Variants in OPCML observed in about 807,000 individuals in gnomAD.
OPCML encodes the protein opioid binding protein/cell adhesion molecule like.
Under a neutral mutation model 37.8 loss-of-function variants are expected in OPCML, and 13 were observed. The ratio of observed to expected loss-of-function variants is 0.34; its 90% CI spans 0.22 to 0.55. OPCML has a LOEUF of 0.55. Ranked by LOEUF, OPCML falls within the 20% of genes least tolerant of loss-of-function variation. OPCML has a pLI of 0.91. For missense variants in OPCML, 341 were observed against 435.6 expected (o/e 0.78, Z 1.93); for synonymous variants, 176 against 168.8 (o/e 1.04, Z -0.33).
At chr11:132,687,472 T>G (rs1943217183) in intron 2 of OPCML, among the ~76,000 whole-genome samples, 3 of 136,484 alleles carry the variant, frequency 2.2e-5, no homozygotes, top group African/African-American at 8.6e-5. Context: ...GATTTGCAAT[T>G]TAAGATCCTT....
intron 1 of OPCML, among the ~76,000 whole-genome samples, chr11:133,388,872 G>A (rs937781311): frequency 1.3e-5 from 2 of 152,218 alleles, no homozygotes; most frequent in Non-Finnish European, 2.9e-5. Flanking sequence ...TCTTGAAGAT[G>A]TGTGCAAGCC....
intron 2 of OPCML, among the ~76,000 whole-genome samples, chr11:132,830,026 C>T (rs189014777): frequency 5.3e-5 from 8 of 152,190 alleles, no homozygotes; most frequent in Admixed American, 3.3e-4. Flanking sequence ...ACAATGAATC[C>T]GGACTTGTCA....
intron 1 of OPCML, among the ~76,000 whole-genome samples, chr11:132,951,323 G>A (rs568924830): frequency 2.0e-5 from 3 of 152,298 alleles, no homozygotes; most frequent in East Asian, 1.9e-4. Context: ...GGGTGCCAGC[G>A]TGAACATGCT....
At chr11:133,283,877 A>C (rs973700981) in intron 1 of OPCML, among the ~76,000 whole-genome samples, 1 of 152,070 alleles carries the variant, frequency 6.6e-6, no homozygotes, top group African/African-American at 2.4e-5. Context: ...AAGAACACCC[A>C]CCAGTTTCCA....
intron 1 of OPCML, among the ~76,000 whole-genome samples, chr11:133,268,262 G>A (rs963796858): frequency 1.3e-5 from 2 of 152,154 alleles, no homozygotes; most frequent in African/African-American, 4.8e-5. Flanking sequence ...TAAAACATGT[G>A]TCATCTCATG....
At chr11:133,352,574 G>A (rs1944166717) in intron 1 of OPCML, among the ~76,000 whole-genome samples, 1 of 152,160 alleles carries the variant, frequency 6.6e-6, no homozygotes, top group Non-Finnish European at 1.5e-5. Flanking sequence ...GAATCAGTAA[G>A]GATGTAAATA....
rs1274557162 is a variant in OPCML, at chr11:133,026,514, TTTCTCTTG to T, written c.62-83512_62-83505del. 4.1e-6 allele frequency: 4 copies of T among 985,340 alleles called. No individual in the cohort carries two copies. The East Asian group carries it at 3.4e-4, about 84-fold the overall frequency. 61.0% of individuals were successfully genotyped at this position (985,340 alleles called of 1,614,324 possible). ...TAGGTTTTGTCCTGCTGGCAGCCTT[TTTCTCTTG>T]TTTTCCCATCTAGAAATCTCTCCTT... On this transcript the variant is annotated intron_variant, in intron 1 of 7. Transcript: ENST00000524381.
rs79141514 is a variant in OPCML, at chr11:133,337,048, C to T, written c.61+195216G>A. On this transcript the variant is annotated intron_variant, in intron 1 of 7. Transcript: ENST00000524381. The stretch of plus-strand genomic sequence containing the variant: ...GAATGGCCTCACACAGGCACAGCAT[C>T]TTATCTTAGAGGCAAAAGAGAAGCG... Among the ~76,000 whole-genome samples, 148 of 152,308 alleles carry T rather than the reference C, an allele frequency of 9.7e-4. 4 individuals are homozygous for T. In the East Asian group the frequency reaches 0.028, roughly 29 times the overall value.
chr11:132,688,557 G>A (rs1943260637), intron 2 of OPCML, among the ~76,000 whole-genome samples: 1 of 152,056 alleles, frequency 6.6e-6, no homozygotes, highest in Admixed American at 6.6e-5. Flanking sequence ...AGGAATGATA[G>A]TATATTCAAT....
chr11:133,474,374 A>C (rs1225739653), intron 1 of OPCML, among the ~76,000 whole-genome samples: 2 of 152,190 alleles, frequency 1.3e-5, no homozygotes, highest in Admixed American at 1.3e-4. Context: ...CCTACTTCTA[A>C]AGTGAACAAC....
At chr11:133,141,389 C>A (rs1007266631) in intron 1 of OPCML, among the ~76,000 whole-genome samples, 4 of 152,108 alleles carry the variant, frequency 2.6e-5, no homozygotes, top group South Asian at 2.1e-4. Flanking sequence ...CTGGTTTCAA[C>A]AAGTCTTCAA....
intron 4 of OPCML, among the ~76,000 whole-genome samples, chr11:132,518,074 TCTTTA>T (rs1170888812): frequency 6.6e-6 from 1 of 152,216 alleles, no homozygotes; most frequent in Non-Finnish European, 1.5e-5. Context: ...AAAATTATTT[TCTTTA>T]CTTTAAGTTC....
intron 3 of OPCML, among the ~76,000 whole-genome samples, chr11:132,558,845 G>T (rs533171808): frequency 6.6e-6 from 1 of 151,874 alleles, no homozygotes; most frequent in South Asian, 2.1e-4. Flanking sequence ...AATTTTTTCA[G>T]CCAGAATCTT....
chr11:132,455,257 G>T (rs1309770143), intron 4 of OPCML, among the ~76,000 whole-genome samples: 1 of 152,176 alleles, frequency 6.6e-6, no homozygotes, highest in Non-Finnish European at 1.5e-5. Context: ...ACACCCATCT[G>T]GTGGGCGCCT....
At chr11:132,581,975 C>A (rs773849007) in intron 3 of OPCML, among the ~76,000 whole-genome samples, 3 of 152,060 alleles carry the variant, frequency 2.0e-5, no homozygotes, top group East Asian at 1.9e-4. Flanking sequence ...AACCCAAGAA[C>A]TGCAGCCCCC....
At chr11:133,054,743 AG>A (rs1390867876) in intron 1 of OPCML, among the ~76,000 whole-genome samples, 1 of 152,220 alleles carries the variant, frequency 6.6e-6, no homozygotes, top group Non-Finnish European at 1.5e-5. Flanking sequence ...GGAGACCTGA[AG>A]TTGAGAAACA....
chr11:132,702,549 T>C (rs1477128645), intron 2 of OPCML, among the ~76,000 whole-genome samples: 1 of 152,192 alleles, frequency 6.6e-6, no homozygotes, highest in Non-Finnish European at 1.5e-5. Context: ...AGATCTTTTA[T>C]GTTTAGTCTA....
Position 132,742,686 on chromosome 11 carries a change from A to G in OPCML, c.147-85367T>C, listed in dbSNP as rs568939115. 5.3e-5 allele frequency among the ~76,000 whole-genome samples: 8 copies of G among 149,994 alleles called. No homozygotes were observed. In the East Asian group the frequency reaches 1.4e-3, roughly 25 times the overall value. The stretch of plus-strand genomic sequence containing the variant: ...TGGCTCATAGTCATATATTTTATAT[A>G]CTTTTTATAATATATATTATATGTA... On this transcript the variant is annotated intron_variant, in intron 2 of 7. Transcript: ENST00000524381.
intron 2 of OPCML, among the ~76,000 whole-genome samples, chr11:132,824,960 T>C (rs533665747): frequency 6.6e-6 from 1 of 152,252 alleles, no homozygotes; most frequent in East Asian, 1.9e-4. Flanking sequence ...ATGCCTCCTG[T>C]CTTTAAAGTC....
Sources: gnomAD v4.1 joint callset for allele counts (sites outside exome capture counted in the v4.1 genomes callset) on GRCh38, gnomAD v4.1.1 for gene constraint, MANE v1.5 for transcripts, NCBI Gene and HGNC (gene_info 2026-07-23, HGNC 2026-07-21) for gene names.